USP32: variants seen among roughly 807,000 people sequenced by gnomAD.
USP32 encodes the protein ubiquitin carboxyl-terminal hydrolase 32.
A neutral mutation model predicts 204.8 loss-of-function variants in USP32; 59 were observed. The observed-to-expected ratio is 0.29, with a 90% CI of 0.23 to 0.36. The LOEUF (loss-of-function observed/expected upper bound fraction) is 0.36. Ranked by LOEUF, USP32 falls within the 10% of genes least tolerant of loss-of-function variation. USP32 has a pLI of 1.00. For synonymous variants in USP32, 517 were observed against 678.4 expected (o/e 0.76, Z 3.70); for missense variants, 1,160 against 1,946.4 (o/e 0.60, Z 7.60).
chr17:60,374,320 T>C (rs919083739), intron 1 of USP32, among the ~76,000 whole-genome samples: 12 of 152,178 alleles, frequency 7.9e-5, no homozygotes, highest in Non-Finnish European at 1.3e-4. Context: ...CACATGGAGC[T>C]GTCATCTTCT....
At chr17:60,414,036 C>T (rs941591861) in intron 1 of USP32, among the ~76,000 whole-genome samples, 2 of 151,772 alleles carry the variant, frequency 1.3e-5, no homozygotes, top group Non-Finnish European at 2.9e-5. Context: ...GATGTGGGTC[C>T]GGGTTTCTGA....
intron 4 of USP32, among the ~76,000 whole-genome samples, chr17:60,289,677 A>G (rs1466717714): frequency 6.6e-6 from 1 of 152,214 alleles, no homozygotes; most frequent in African/African-American, 2.4e-5. Flanking sequence ...AAGACAAGAG[A>G]TCCTAGGTTT....
chr17:60,251,391 T>C (rs1042280347), intron 11 of USP32, among the ~76,000 whole-genome samples: 4 of 152,244 alleles, frequency 2.6e-5, no homozygotes, highest in African/African-American at 9.6e-5. Context: ...GTTTAAATGC[T>C]GAATATGTAA....
intron 4 of USP32, among the ~76,000 whole-genome samples, chr17:60,288,933 A>G (rs2087193369): frequency 6.6e-6 from 1 of 152,248 alleles, no homozygotes; most frequent in Non-Finnish European, 1.5e-5. Context: ...AATTCAGTAA[A>G]GCAGTACACT....
intron 2 of USP32, among the ~76,000 whole-genome samples, chr17:60,324,302 A>ATG (rs1491312353): frequency 1.3e-5 from 2 of 149,242 alleles, no homozygotes; most frequent in African/African-American, 5.0e-5. Flanking sequence ...ATATATATAT[A>ATG]TTTTAATTAA....
At position 60,365,044 on chromosome 17, in the gene USP32, C is replaced by T. The variant is rs188908134; in HGVS notation, c.59-19436G>A. 3.3e-4 allele frequency among the ~76,000 whole-genome samples: 50 copies of T among 152,130 alleles called. 1 individual carries two copies. In the East Asian group the frequency reaches 8.9e-3, roughly 27 times the overall value. On this transcript the variant is annotated intron_variant, in intron 1 of 33. Transcript: ENST00000300896. ...TCAAGTTGAAAGTAAATTCCTTATG[C>T]CTTTTAGTTAAGAAATCATGTTATT...
At chr17:60,280,002 T>C (rs2086930596) in intron 5 of USP32, among the ~76,000 whole-genome samples, 1 of 151,932 alleles carries the variant, frequency 6.6e-6, no homozygotes, top group South Asian at 2.1e-4. Flanking sequence ...TTAATTTAAA[T>C]AGATAAGGTA....
rs763576936 is a variant in USP32, at chr17:60,205,677, G to T, written c.3038-19C>A. On this transcript the variant is annotated intron_variant, in intron 25 of 33. Transcript: ENST00000300896. ...GAGAAATCTACAAATTCAAAGATAA[G>T]TACAGTATCATAAGCTTGTGGTATT... 14 of 1,613,100 alleles carry T rather than the reference G, an allele frequency of 8.7e-6. No individual in the cohort carries two copies. Among genetic ancestry groups the T allele is most frequent in the African/African-American group, 1.3e-5 (1 of 74,890 alleles).
chr17:60,313,530 C>CA (rs527683638), intron 2 of USP32, among the ~76,000 whole-genome samples: 131 of 151,904 alleles, frequency 8.6e-4, no homozygotes, highest in African/African-American at 2.8e-3. Context: ...CATACAAATG[C>CA]AAAGTATAAA....
chr17:60,361,374 T>C (rs1266005299), intron 1 of USP32, among the ~76,000 whole-genome samples: 1 of 152,186 alleles, frequency 6.6e-6, no homozygotes, highest in Non-Finnish European at 1.5e-5. Context: ...TTACTACATA[T>C]AGATTTAGTT....
At chr17:60,182,015 C>T (rs149100110) in intron 31 of USP32, among the ~76,000 whole-genome samples, 144 of 152,294 alleles carry the variant, frequency 9.5e-4, no homozygotes, top group African/African-American at 3.1e-3. Flanking sequence ...TGATTTATGT[C>T]AGATTCAGTT....
chr17:60,184,998 G>C (rs2084214676), intron 30 of USP32, among the ~76,000 whole-genome samples: 1 of 152,172 alleles, frequency 6.6e-6, no homozygotes, highest in Admixed American at 6.5e-5. Context: ...ACAGGCCCTA[G>C]TGCACTGGTG....
intron 1 of USP32, among the ~76,000 whole-genome samples, chr17:60,398,738 G>A (rs1353452666): frequency 6.6e-6 from 1 of 151,934 alleles, no homozygotes; most frequent in Non-Finnish European, 1.5e-5. Flanking sequence ...AGCACTTTGG[G>A]AGGCTGAGGC....
chr17:60,418,941 C>T (rs8070408), intron 1 of USP32, among the ~76,000 whole-genome samples: 28,010 of 152,054 alleles, frequency 0.18, 6,057 homozygotes, highest in African/African-American at 0.53. Context: ...TCAACCATAG[C>T]GGAAAGTAGT....
intron 5 of USP32, among the ~76,000 whole-genome samples, chr17:60,283,919 C>T (rs2145833898): frequency 6.6e-6 from 1 of 151,888 alleles, no homozygotes; most frequent in African/African-American, 2.4e-5. Flanking sequence ...CAAACTAGAG[C>T]GAAGGGCTGA....
chr17:60,258,659 A>G (rs1233242020), intron 9 of USP32, among the ~76,000 whole-genome samples: 1 of 152,212 alleles, frequency 6.6e-6, no homozygotes, highest in Non-Finnish European at 1.5e-5. Flanking sequence ...AATTAAACAG[A>G]TATCTTCAAT....
intron 2 of USP32, among the ~76,000 whole-genome samples, chr17:60,304,679 T>C (rs1395721065): frequency 1.3e-5 from 2 of 152,170 alleles, no homozygotes; most frequent in African/African-American, 4.8e-5. Context: ...TACTGTTGTA[T>C]AGTACACATA....
chr17:60,354,843 C>T (rs977041319), intron 1 of USP32, among the ~76,000 whole-genome samples: 1 of 152,090 alleles, frequency 6.6e-6, no homozygotes, highest in African/African-American at 2.4e-5. Flanking sequence ...GTCAGGAGTT[C>T]GAAACCAACC....
chr17:60,374,704 C>A (rs1260184017), intron 1 of USP32, among the ~76,000 whole-genome samples: 1 of 152,194 alleles, frequency 6.6e-6, no homozygotes, highest in South Asian at 2.1e-4. Context: ...AAGGAGTATA[C>A]TCTAAAATAA....
Sources: gnomAD v4.1 joint callset for allele counts (sites outside exome capture counted in the v4.1 genomes callset) on GRCh38, gnomAD v4.1.1 for gene constraint, MANE v1.5 for transcripts, NCBI Gene and HGNC (gene_info 2026-07-23, HGNC 2026-07-21) for gene names.